Variants in LYPD4 observed in about 807,000 individuals in gnomAD.
LYPD4 encodes the protein ly6/PLAUR domain-containing protein 4.
A neutral mutation model predicts 18.2 loss-of-function variants in LYPD4; 20 were observed. The ratio of observed to expected loss-of-function variants is 1.10; its 90% CI spans 0.77 to 1.59. LYPD4 has a LOEUF of 1.59. LYPD4 is among the 40% of genes most tolerant of loss of function. LYPD4 has a pLI of 0.00. For missense variants in LYPD4, 278 were observed against 300.3 expected (o/e 0.93, Z 0.55); for synonymous variants, 111 against 118.3 (o/e 0.94, Z 0.40).
At chr19:41,839,179 C>A in intron 2 of LYPD4, 40 bp downstream of exon 2, 1 of 1,614,134 alleles carries the variant, frequency 6.2e-7, no homozygotes, top group South Asian at 1.1e-5. Context: ...CAGCCTCCCA[C>A]CTTTCTGGGT....
chr19:41,839,004 A>G lies in LYPD4; in HGVS notation c.88T>C (p.Tyr30His), dbSNP rs782366023. ...TLPRAGALLC[Y>H]EATASRFRAV... ...CTGAATCTTGAGGCTGTTGCTTCAT[A>G]GCACAAAAGAGCTCCAGCCCCTAAA... Residue 30 changes from tyrosine (Y) to histidine (H), a missense_variant, in exon 3 of 5, where the codon TAT becomes CAT. By Grantham distance (83) the Tyr-to-His change is moderately conservative (BLOSUM62 2). Transcript: ENST00000609812. 2 of 1,613,804 alleles carry G rather than the reference A, an allele frequency of 1.2e-6. No individual in the cohort carries two copies. Among genetic ancestry groups the G allele is most frequent in the Admixed American group, 3.3e-5 (2 of 59,982 alleles).
At chr19:41,841,201 C>A (rs2073576500) in intron 1 of LYPD4, among the ~76,000 whole-genome samples, 1 of 151,936 alleles carries the variant, frequency 6.6e-6, no homozygotes, top group South Asian at 2.1e-4. Flanking sequence ...GGAGGCTGAG[C>A]CAGGAGGATC....
intron 1 of LYPD4, among the ~76,000 whole-genome samples, chr19:41,841,212 C>A (rs2073576783): frequency 6.6e-6 from 1 of 152,054 alleles, no homozygotes; most frequent in East Asian, 1.9e-4. Context: ...CAGGAGGATC[C>A]CTTGAGGTCA....
chr19:41,836,287 C>CAGAAA (rs2073372012), downstream of LYPD4, among the ~76,000 whole-genome samples: 1 of 19,930 alleles, frequency 5.0e-5, no homozygotes, highest in Non-Finnish European at 8.2e-5. Flanking sequence ...GCCAACTTAC[C>CAGAAA]AAAAAAAAAA....
intron 3 of LYPD4, 63 bp from the exon 4 acceptor site, chr19:41,838,324 T>G: frequency 7.4e-7 from 1 of 1,356,596 alleles, no homozygotes; most frequent in Non-Finnish European, 9.7e-7. Flanking sequence ...GAGTCCTCCC[T>G]CCCCCCAGCT....
In LYPD4 at chr19:41,837,193, C is replaced by CT; in HGVS notation, c.690dup (p.Asp231ArgfsTer20). ...CCTAAGACGACACCCCAAGCAGGAT[C>CT]TTGCCTGGAGGATGCTGCACCAACA... On this transcript the variant is annotated frameshift_variant, in exon 5 of 5. Coordinates refer to ENST00000609812, the MANE Select transcript of LYPD4 (RefSeq NM_173506.7). LOFTEE classifies it high-confidence loss of function. 6.2e-7 allele frequency: 1 copy of CT among 1,614,092 alleles called. No homozygotes were observed. The highest frequency in any genetic ancestry group is 8.5e-7 in the Non-Finnish European group (1 of 1,179,938).
At chr19:41,844,716 C>G (rs1449945338), upstream of LYPD4, 1 of 152,344 alleles carries the variant, frequency 6.6e-6, no homozygotes, top group Non-Finnish European at 1.5e-5. Context: ...GCGGGCCGTT[C>G]CTGGGGGGCG....
Position 41,838,106 on chromosome 19 carries a change from G to A in LYPD4, c.367C>T (p.Pro123Ser). 1.2e-6 allele frequency: 2 copies of A among 1,614,104 alleles called. No individual in the cohort carries two copies. The highest frequency in any genetic ancestry group is 1.7e-6 in the Non-Finnish European group (2 of 1,179,988). The change falls in exon 4 of 5, where the codon CCT becomes TCT. Residue 123 changes from proline (P) to serine (S), a missense_variant. Coordinates refer to ENST00000609812, the MANE Select transcript of LYPD4 (RefSeq NM_173506.7). ...YLCNNLTNLEPFVKLKASTPK... is the reference protein window; with the variant it reads ...YLCNNLTNLESFVKLKASTPK... Reference sequence around the variant, plus strand: ...GTGCTGGCCTTGAGTTTCACAAAAGGCTCCAAATTGGTGAGGTTGTTGCAG... The same window carrying A: ...GTGCTGGCCTTGAGTTTCACAAAAGACTCCAAATTGGTGAGGTTGTTGCAG...
chr19:41,836,330 A>G (rs1326705342), downstream of LYPD4, among the ~76,000 whole-genome samples: 1 of 134,634 alleles, frequency 7.4e-6, no homozygotes, highest in Non-Finnish European at 1.6e-5. Context: ...AAAAAAAACA[A>G]CTACTGAGCA....
At position 41,838,272 on chromosome 19, in the gene LYPD4, G is replaced by A. The variant is rs782656888; in HGVS notation, c.212-11C>T. On this transcript the variant is annotated splice_polypyrimidine_tract_variant and intron_variant, in intron 3 of 4. Transcript: ENST00000609812. ...CTCCCCTTGCAGTCCCTGAGGAGCA[G>A]AGGATTGAGAGAGCTCAGATCAGTG... 1 of 1,514,960 alleles carries A rather than the reference G, an allele frequency of 6.6e-7. No individual in the cohort carries two copies. Among genetic ancestry groups the A allele is most frequent in the Non-Finnish European group, 8.8e-7 (1 of 1,132,196 alleles). The allele number at this position is 1,514,960 out of a possible 1,614,324, so 93.8% of individuals were successfully genotyped here.
rs1307132345 is a variant in LYPD4, at chr19:41,837,298, T to G, written c.586A>C (p.Asn196His). 2 of 1,614,022 alleles carry G rather than the reference T, an allele frequency of 1.2e-6. No homozygotes were observed. Among genetic ancestry groups the G allele is most frequent in the East Asian group, 4.5e-5 (2 of 44,860 alleles). ...TGATGAAAATCTGCTAAAAGCTGGTTATGTTCACGAGCACACCCCATGAGG... is the reference window on the plus strand; with the variant it reads ...TGATGAAAATCTGCTAAAAGCTGGTGATGTTCACGAGCACACCCCATGAGG... The part of the protein sequence containing the change: ...FLLMGCAREH[N>H]QLLADFHHIG... The change falls in exon 5 of 5, where the codon AAC becomes CAC. Residue 196 changes from asparagine (N) to histidine (H), a missense_variant. Physicochemically the swap from Asn to His is moderately conservative, Grantham distance 68. Transcript: ENST00000609812.
At chr19:41,840,353 G>A (rs532490351) in intron 1 of LYPD4, among the ~76,000 whole-genome samples, 4 of 152,182 alleles carry the variant, frequency 2.6e-5, no homozygotes, top group Admixed American at 6.5e-5. Flanking sequence ...CTTGAGCCCC[G>A]GGGATGGAGG....
chr19:41,839,769 G>A lies in LYPD4; in HGVS notation c.-120-364C>T, dbSNP rs553942703. ...GAAATTTAAAAGTATTTAGAACTGA[G>A]GTCAGGAGCAGTGGCTCACGCCTGT... On this transcript the variant is annotated intron_variant, in intron 1 of 4. Transcript: ENST00000609812. 2.0e-5 allele frequency among the ~76,000 whole-genome samples: 3 copies of A among 151,762 alleles called. No individual in the cohort carries two copies. In the East Asian group the frequency reaches 5.8e-4, roughly 30 times the overall value.
At position 41,839,418 on chromosome 19, in the gene LYPD4, G is replaced by A. The variant is rs2123107972; in HGVS notation, c.-120-13C>T. ...TGGGTCACTGTTTCTGGAGCAGAAA[G>A]TTGATTGCATCAGCTTCTAGGACAT... On this transcript the variant is annotated splice_polypyrimidine_tract_variant and intron_variant, in intron 1 of 4. Transcript: ENST00000609812. 8.4e-6 allele frequency: 7 copies of A among 832,358 alleles called. No homozygotes were observed. In the South Asian group the frequency reaches 1.1e-4, roughly 13 times the overall value. The allele number at this position is 832,358 out of a possible 1,614,324, so 51.6% of individuals were successfully genotyped here.
At position 41,843,635 on chromosome 19, in the gene LYPD4, C is replaced by G. The variant is rs2073727342; in HGVS notation, c.-178G>C. 6.6e-6 allele frequency: 1 copy of G among 151,912 alleles called. No homozygotes were observed. The highest frequency in any genetic ancestry group is 6.6e-5 in the Admixed American group (1 of 15,220). The allele number at this position is 151,912 out of a possible 1,614,324, so 9.4% of individuals were successfully genotyped here. On this transcript the variant is annotated 5_prime_UTR_variant, in exon 1 of 5. Transcript: ENST00000609812. ...CCAGCAGTCCAGCTAGAGGTCACGTCGGCCACCCTTTTCTGCCTGCAATGC... is the reference window on the plus strand; with the variant it reads ...CCAGCAGTCCAGCTAGAGGTCACGTGGGCCACCCTTTTCTGCCTGCAATGC...
rs545690732 is a variant in LYPD4, at chr19:41,837,598, G to A, written c.539-253C>T. On this transcript the variant is annotated intron_variant, in intron 4 of 4. Transcript: ENST00000609812. ...AATCCCAGCTACTTAGGAGGCTAGG[G>A]TATGAGAATCACTTGAACCTGGGAG... Among the ~76,000 whole-genome samples the A allele has an allele frequency of 1.5e-4, 23 of 151,810 alleles. No individual in the cohort carries two copies. The South Asian group carries it at 3.6e-3, about 24-fold the overall frequency.
chr19:41,838,015 C>A lies in LYPD4; in HGVS notation c.458G>T (p.Cys153Phe). ...PTCVGEHMKD[C>F]LPNFVTTNSC... is the part of the protein sequence containing the mutation. ...ATTAGTGGTGACAAAATTTGGGAGG[C>A]AATCCTTCATGTGCTCGCCCACACA... is the stretch of plus-strand genomic sequence containing the variant. Residue 153 changes from cysteine (C) to phenylalanine (F), a missense_variant, in exon 4 of 5, where the codon TGC becomes TTC. Cys to Phe is a radical substitution (Grantham distance 205). Transcript: ENST00000609812. 3 of 1,614,108 alleles carry A rather than the reference C, an allele frequency of 1.9e-6. No individual in the cohort carries two copies. Among genetic ancestry groups the A allele is most frequent in the Non-Finnish European group, 2.5e-6 (3 of 1,180,000 alleles).
At chr19:41,843,079 C>CAAAAAAA in intron 1 of LYPD4, among the ~76,000 whole-genome samples, 1 of 6,580 alleles carries the variant, frequency 1.5e-4, no homozygotes, top group Non-Finnish European at 3.9e-4. Flanking sequence ...AAAAAAAAAC[C>CAAAAAAA]CCAACAACAA....
rs990645072 is a variant in LYPD4, at chr19:41,839,370, C to T, written c.-85G>A. The T allele has an allele frequency of 5.8e-5, 75 of 1,303,740 alleles. No individual in the cohort carries two copies. The East Asian group carries it at 9.3e-4, about 16-fold the overall frequency. 80.8% of individuals were successfully genotyped at this position (1,303,740 alleles called of 1,614,324 possible). ...CCCAAGCTCAGTTCCCATCAGTCCC[C>T]GAATTCTTTGTCCACCTGTCTCTGG... On this transcript the variant is annotated 5_prime_UTR_variant, in exon 2 of 5. Transcript: ENST00000609812.
Sources: gnomAD v4.1 joint callset for allele counts (sites outside exome capture counted in the v4.1 genomes callset) on GRCh38, gnomAD v4.1.1 for gene constraint, MANE v1.5 for transcripts, NCBI Gene and HGNC (gene_info 2026-07-23, HGNC 2026-07-21) for gene names.